The following HDAC4 variants were observed in gnomAD, a reference collection of about 807,000 sequenced individuals.
The protein encoded by HDAC4 is histone deacetylase 4.
Under a neutral mutation model 135.1 loss-of-function variants are expected in HDAC4, and 16 were observed. The ratio of observed to expected loss-of-function variants is 0.12; its 90% CI spans 0.08 to 0.18. The LOEUF (loss-of-function observed/expected upper bound fraction) is 0.18. Ranked by LOEUF, HDAC4 falls within the 10% of genes least tolerant of loss-of-function variation. The pLI is 1.00. For synonymous variants in HDAC4, 685 were observed against 653.4 expected (o/e 1.05, Z -0.74); for missense variants, 1,143 against 1,511.8 (o/e 0.76, Z 4.05).
intron 2 of HDAC4, among the ~76,000 whole-genome samples, chr2:239,286,398 A>T (rs893937787): frequency 1.3e-5 from 2 of 152,236 alleles, no homozygotes; most frequent in Non-Finnish European, 2.9e-5. Flanking sequence ...AGAGGGAATC[A>T]AAATACAAAA....
At chr2:239,378,063 C>T (rs748501780) in intron 1 of HDAC4, among the ~76,000 whole-genome samples, 1 of 152,202 alleles carries the variant, frequency 6.6e-6, no homozygotes, top group Admixed American at 6.5e-5. Flanking sequence ...CCAGCAAACG[C>T]GGTGCCCCTC....
intron 6 of HDAC4, among the ~76,000 whole-genome samples, chr2:239,158,590 G>A (rs1281109799): frequency 6.6e-6 from 1 of 151,982 alleles, no homozygotes; most frequent in Non-Finnish European, 1.5e-5. Context: ...GAGGGGCTGG[G>A]CCCTGCCCCC....
intron 2 of HDAC4, among the ~76,000 whole-genome samples, chr2:239,260,530 C>T (rs547381310): frequency 6.6e-6 from 1 of 152,286 alleles, no homozygotes; most frequent in East Asian, 1.9e-4. Context: ...GGCCTGCTGG[C>T]CTCATCTCTC....
intron 24 of HDAC4, among the ~76,000 whole-genome samples, chr2:239,064,361 G>T (rs977972427): frequency 1.3e-5 from 2 of 152,224 alleles, no homozygotes; most frequent in African/African-American, 4.8e-5. Flanking sequence ...GGGGCCCGGA[G>T]GATGCCCTGT....
chr2:239,274,975 G>T (rs768377914), intron 2 of HDAC4, among the ~76,000 whole-genome samples: 3 of 152,242 alleles, frequency 2.0e-5, no homozygotes, highest in Non-Finnish European at 4.4e-5. Flanking sequence ...CTGTCCTGGA[G>T]TGATTTTGTG....
chr2:239,400,062 C>T lies in HDAC4; in HGVS notation c.-220+916G>A, dbSNP rs1199359594. On this transcript the variant is annotated intron_variant, in intron 1 of 26. Coordinates refer to ENST00000543185, the MANE Select transcript of HDAC4 (RefSeq NM_001378414.1). This position sits in a 1 kb window ranked among gnomAD's most constrained non-coding sequence, Gnocchi z 4.7. The stretch of plus-strand genomic sequence containing the variant: ...AATAATTCAACGCTCAATGTAAATA[C>T]GAGATAATTTGCTTATGATTCCGTG... Among the ~76,000 whole-genome samples the T allele has an allele frequency of 1.3e-5, 2 of 152,132 alleles. No homozygotes were observed. The highest frequency in any genetic ancestry group is 2.9e-5 in the Non-Finnish European group (2 of 68,016).
intron 6 of HDAC4, among the ~76,000 whole-genome samples, chr2:239,160,621 A>G (rs2042731017): frequency 6.6e-6 from 1 of 152,244 alleles, no homozygotes; most frequent in Admixed American, 6.5e-5. Flanking sequence ...GGCTCCCCCA[A>G]GCTGCTGCAG....
rs10200850 is a variant in HDAC4 at position 239,313,206 on chromosome 2, G to A, written c.22+39472C>T. Among the ~76,000 whole-genome samples the A allele has an allele frequency of 0.1, 15,611 of 152,238 alleles. 1,369 individuals carry two copies. Among genetic ancestry groups the A allele is most frequent in the East Asian group, 0.42 (2,157 of 5,160 alleles). On this transcript the variant is annotated intron_variant, in intron 2 of 26. Coordinates refer to ENST00000543185, the MANE Select transcript of HDAC4 (RefSeq NM_001378414.1). The surrounding 1 kb of genome is among the most constrained non-coding windows in gnomAD (Gnocchi z 5.1). ...TCACCAGCACACAGATGTTCTCAGCGGCAGAGCCTGGCTTCTGCCTGAATT... is the reference window on the plus strand; with the variant it reads ...TCACCAGCACACAGATGTTCTCAGCAGCAGAGCCTGGCTTCTGCCTGAATT...
intron 11 of HDAC4, among the ~76,000 whole-genome samples, chr2:239,132,482 G>A (rs774159174): frequency 1.4e-4 from 22 of 152,210 alleles, no homozygotes; most frequent in Admixed American, 4.6e-4. Flanking sequence ...GGGCACAGGC[G>A]TAAAGCAAGG....
chr2:239,233,770 C>T (rs998165519), intron 3 of HDAC4, among the ~76,000 whole-genome samples: 4 of 152,204 alleles, frequency 2.6e-5, no homozygotes, highest in African/African-American at 7.2e-5. Context: ...CCCGGGCGCC[C>T]TTCCTGCTCC....
rs2152710846 is a variant in HDAC4 at position 239,087,577 on chromosome 2, G to A, written c.2426C>T (p.Ala809Val). Reference sequence around the variant, plus strand: ...TACTCACATGGGCGTGCTCTCCTCCGCATGGTGTCCAGGGGGGCGGACCAC... The same window carrying A: ...TACTCACATGGGCGTGCTCTCCTCCACATGGTGTCCAGGGGGGCGGACCAC... The part of the protein sequence containing the change: ...FAVVRPPGHH[A>V]EESTPMGFCY... The change falls in exon 19 of 27, where the codon GCG (alanine) becomes GTG (valine). Residue 809 changes from alanine to valine, a missense_variant. By Grantham distance (64) the Ala-to-Val change is moderately conservative. Around this residue, in one of 9 missense-constraint regions of HDAC4, gnomAD observed 189 missense variants for 317.6 expected, o/e 0.60. Coordinates refer to ENST00000543185, the MANE Select transcript of HDAC4 (RefSeq NM_001378414.1). 1.9e-6 allele frequency: 3 copies of A among 1,613,722 alleles called. No homozygotes were observed. Among genetic ancestry groups the A allele is most frequent in the South Asian group, 1.1e-5 (1 of 90,950 alleles).
intron 1 of HDAC4, among the ~76,000 whole-genome samples, chr2:239,388,932 T>C (rs916445577): frequency 3.9e-5 from 6 of 152,308 alleles, no homozygotes; most frequent in East Asian, 3.9e-4. Flanking sequence ...GGGAGGCCAC[T>C]GTGTGTTAGT....
Position 239,141,983 on chromosome 2 carries a change from G to A in HDAC4, c.866-2187C>T, listed in dbSNP as rs2041405636. Among the ~76,000 whole-genome samples, 1 of 152,172 alleles carries A rather than the reference G, an allele frequency of 6.6e-6. No homozygotes were observed. The highest frequency in any genetic ancestry group is 1.5e-5 in the Non-Finnish European group (1 of 68,030). ...AAAGGCGTGTGGCTGAAATTGAGTGGAGAGGGATGCAGGATGGCGCAGGAA... is the reference window on the plus strand; with the variant it reads ...AAAGGCGTGTGGCTGAAATTGAGTGAAGAGGGATGCAGGATGGCGCAGGAA... On this transcript the variant is annotated intron_variant, in intron 8 of 26. Coordinates refer to ENST00000543185, the MANE Select transcript of HDAC4 (RefSeq NM_001378414.1). This position sits in a 1 kb window ranked among gnomAD's most constrained non-coding sequence, Gnocchi z 4.9.
At chr2:239,181,442 G>A (rs1242910378) in intron 4 of HDAC4, among the ~76,000 whole-genome samples, 4 of 152,266 alleles carry the variant, frequency 2.6e-5, no homozygotes, top group African/African-American at 9.6e-5. Context: ...CGGCAGCAGC[G>A]TGTGCGCAGG....
chr2:239,264,403 T>A (rs1046158265), intron 2 of HDAC4, among the ~76,000 whole-genome samples: 2 of 152,256 alleles, frequency 1.3e-5, no homozygotes, highest in Non-Finnish European at 2.9e-5. Flanking sequence ...GTTTGGTTGG[T>A]TTCTAAATGT....
chr2:239,295,953 G>A (rs1418531920), intron 2 of HDAC4, among the ~76,000 whole-genome samples: 3 of 152,204 alleles, frequency 2.0e-5, no homozygotes, highest in Non-Finnish European at 2.9e-5. Context: ...GCTGAAGGAA[G>A]AGCCAGTAAT....
chr2:239,123,008 T>C (rs900610405), intron 12 of HDAC4, among the ~76,000 whole-genome samples: 7 of 152,198 alleles, frequency 4.6e-5, no homozygotes, highest in African/African-American at 7.2e-5. Context: ...CTTGTCTTCC[T>C]GGGCATCCTG....
chr2:239,368,369 T>G (rs747401166), intron 1 of HDAC4, among the ~76,000 whole-genome samples: 1 of 152,202 alleles, frequency 6.6e-6, no homozygotes, highest in Non-Finnish European at 1.5e-5. Flanking sequence ...GACCCTGAAA[T>G]GCACCGTCCA....
Position 239,119,773 on chromosome 2 carries a change from C to T in HDAC4, c.1534-4463G>A, listed in dbSNP as rs561967649. 2.0e-5 allele frequency among the ~76,000 whole-genome samples: 3 copies of T among 152,308 alleles called. No individual in the cohort carries two copies. In the South Asian group the frequency reaches 6.2e-4, roughly 32 times the overall value. On this transcript the variant is annotated intron_variant, in intron 12 of 26. Transcript: ENST00000543185. ...GATGGGCAGGAGAGGCTGCGGGTCTCTCCGAGGGGTGCATGGTCCTGCCTG... is the reference window on the plus strand; with the variant it reads ...GATGGGCAGGAGAGGCTGCGGGTCTTTCCGAGGGGTGCATGGTCCTGCCTG...
Sources: allele counts gnomAD v4.1 joint callset (sites outside exome capture counted in the v4.1 genomes callset), GRCh38; gene constraint gnomAD v4.1.1; regional missense constraint gnomAD v4.1.1; non-coding constraint Gnocchi (gnomAD v3.1); transcripts MANE v1.5; gene names NCBI Gene and HGNC (gene_info 2026-07-23, HGNC 2026-07-21).